The following RD3 variants were observed in gnomAD, a reference collection of about 807,000 sequenced individuals.
RD3 encodes RD3 regulator of GUCY2D.
In RD3, 11 loss-of-function variants were observed where a neutral mutation model predicts 16.9. The ratio of observed to expected loss-of-function variants is 0.65; its 90% confidence interval spans 0.41 to 1.08. RD3 has a LOEUF of 1.08. RD3 is among the 50% of genes least tolerant of loss of function. The pLI, the probability that RD3 is intolerant of heterozygous loss-of-function variation, is 0.00. For missense variants in RD3, 274 were observed against 267.4 expected, an observed-to-expected ratio of 1.02 and a Z score of -0.17; for synonymous variants, 116 against 114.8, an observed-to-expected ratio of 1.01 and a Z score of -0.07.
At position 211,481,250 on chromosome 1, in the gene RD3, T is replaced by C. The variant is rs1281004005; in HGVS notation, c.166A>G (p.Thr56Ala). The change falls in exon 2 of 3, where the codon ACC (threonine) becomes GCC (alanine). Residue 56 changes from threonine to alanine, a missense_variant. Transcript: ENST00000680073. ...ERSNAVRKVCTGVDYSWLAST... is the reference protein window; with the variant it reads ...ERSNAVRKVCAGVDYSWLAST... ...GCCAGCCAGCTGTAGTCCACACCGGTGCAGACCTTTCTGACCGCATTGCTG... is the reference window on the plus strand; with the variant it reads ...GCCAGCCAGCTGTAGTCCACACCGGCGCAGACCTTTCTGACCGCATTGCTG... 3 of 1,614,230 alleles carry C rather than the reference T, an allele frequency of 1.9e-6. No homozygotes were observed. Among genetic ancestry groups the C allele is most frequent in the Non-Finnish European group, 2.5e-6 (3 of 1,180,034 alleles).
intron 2 of RD3, among the ~76,000 whole-genome samples, chr1:211,479,821 C>T (rs1705227143): frequency 6.6e-6 from 1 of 152,266 alleles, no homozygotes; most frequent in African/African-American, 2.4e-5. Flanking sequence ...CTGATACTTC[C>T]CTGGAAGACC....
intron 1 of RD3, among the ~76,000 whole-genome samples, chr1:211,482,556 G>A (rs1705297231): frequency 6.6e-6 from 1 of 151,846 alleles, no homozygotes; most frequent in Non-Finnish European, 1.5e-5. Flanking sequence ...CCCAGGTGGA[G>A]GGAGGATCCA....
At chr1:211,490,375 C>T (rs114197508) in intron 1 of RD3, among the ~76,000 whole-genome samples, 4,908 of 152,368 alleles carry the variant, frequency 0.032, 110 homozygotes, top group Middle Eastern at 0.082. Flanking sequence ...CCAGGGAACC[C>T]GGCCCGGGTC....
At position 211,478,118 on chromosome 1, in the gene RD3, A is replaced by G. The variant is rs1051539166; in HGVS notation, c.*918T>C. 6 of 398,610 alleles carry G rather than the reference A, an allele frequency of 1.5e-5. No homozygotes were observed. Among genetic ancestry groups the G allele is most frequent in the African/African-American group, 1.2e-4 (6 of 48,650 alleles). 24.7% of individuals were successfully genotyped at this position (398,610 alleles called of 1,614,324 possible). On this transcript the variant is annotated 3_prime_UTR_variant, in exon 3 of 3. Transcript: ENST00000680073. ...CAGAAAGCGGAACCCTGGAATTGAG[A>G]AACCTGGGCTCTTTAGGGCAGCATC...
chr1:211,481,507 A>G, intron 1 of RD3, 81 bp from the exon 2 acceptor site: 1 of 1,374,310 alleles, frequency 7.3e-7, no homozygotes, highest in Non-Finnish European at 1.0e-6. Flanking sequence ...CAAGGGGGAG[A>G]GAGGAGAGCT....
At chr1:211,481,489 TG>T in intron 1 of RD3, 63 bp from the exon 2 acceptor site, 1 of 1,522,846 alleles carries the variant, frequency 6.6e-7, no homozygotes, top group South Asian at 1.2e-5. Flanking sequence ...GTGGGGAACC[TG>T]GGAACCCAAG....
intron 1 of RD3, among the ~76,000 whole-genome samples, chr1:211,491,232 G>C (rs1308299485): frequency 6.6e-6 from 1 of 152,232 alleles, no homozygotes; most frequent in Admixed American, 6.5e-5. Flanking sequence ...GGGATGCACA[G>C]ACTGCTCCAT....
At position 211,477,954 on chromosome 1, in the gene RD3, G is replaced by A. The variant is rs906090200; in HGVS notation, c.*1082C>T. The A allele has an allele frequency of 9.6e-5, 38 of 395,822 alleles. No homozygotes were observed. The highest frequency in any genetic ancestry group is 3.7e-4 in the African/African-American group (18 of 48,548). 24.5% of individuals were successfully genotyped at this position (395,822 alleles called of 1,614,324 possible). On this transcript the variant is annotated 3_prime_UTR_variant, in exon 3 of 3. Transcript: ENST00000680073. ...GGTAATCCACATGCCCATCATCAAG[G>A]CCTAACCATGTTAGAAAAGGGAAGG...
rs143085760 is a variant in RD3 at position 211,477,053 on chromosome 1, G to T, written c.*1983C>A. ...TCTGCTTGTTCCAAAACTCTTTTAC[G>T]CCAGTTGTTCTTATTGTTATGATTA... On this transcript the variant is annotated 3_prime_UTR_variant, in exon 3 of 3. Transcript: ENST00000680073. 2 of 151,882 alleles carry T rather than the reference G, an allele frequency of 1.3e-5. No homozygotes were observed. The highest frequency in any genetic ancestry group is 1.3e-4 in the Admixed American group (2 of 15,240). 9.4% of individuals were successfully genotyped at this position (151,882 alleles called of 1,614,324 possible). A position where few individuals can be genotyped will look rare whatever the true frequency, so the allele number is the denominator to read the frequency against.
intron 1 of RD3, among the ~76,000 whole-genome samples, chr1:211,488,767 C>A (rs889107013): frequency 6.6e-6 from 1 of 152,182 alleles, no homozygotes; most frequent in Non-Finnish European, 1.5e-5. Context: ...AGAGTTGCTG[C>A]TGTCCATTGA....
rs1252357995 is a variant in RD3 at position 211,479,420 on chromosome 1, T to C, written c.297-93A>G. On this transcript the variant is annotated intron_variant, in intron 2 of 2. Transcript: ENST00000680073. ...ACCCCGAGGGGCTGCCCGTGCATCC[T>C]CATGGCCAATTAGTCCACTCTACTC... 6.0e-6 allele frequency: 7 copies of C among 1,162,320 alleles called. No individual in the cohort carries two copies. In the Admixed American group the frequency reaches 1.6e-4, roughly 26 times the overall value. 72.0% of individuals were successfully genotyped at this position (1,162,320 alleles called of 1,614,324 possible).
intron 1 of RD3, among the ~76,000 whole-genome samples, chr1:211,490,089 T>A (rs1705455995): frequency 6.6e-6 from 1 of 152,228 alleles, no homozygotes; most frequent in South Asian, 2.1e-4. Context: ...TGTGGCTCGT[T>A]AGCTGTGCTG....
intron 1 of RD3, among the ~76,000 whole-genome samples, chr1:211,487,377 A>G (rs1372651506): frequency 1.3e-5 from 2 of 152,150 alleles, no homozygotes; most frequent in Non-Finnish European, 2.9e-5. Flanking sequence ...GATTCTCCCC[A>G]TGTACGCGTT....
chr1:211,479,403 G>GGGCT, intron 2 of RD3, 76 bp from the exon 3 acceptor site: 1 of 1,408,758 alleles, frequency 7.1e-7, no homozygotes, highest in Non-Finnish European at 9.6e-7. Flanking sequence ...TAACCCCGAG[G>GGGCT]GGCTGCCCGT....
chr1:211,482,943 AAGG>A (rs1401091049), intron 1 of RD3, among the ~76,000 whole-genome samples: 1 of 151,934 alleles, frequency 6.6e-6, no homozygotes, highest in Non-Finnish European at 1.5e-5. Context: ...CATGGTGATG[AAGG>A]AGGTGTCACC....
chr1:211,482,692 T>C (rs1705300038), intron 1 of RD3, among the ~76,000 whole-genome samples: 1 of 151,902 alleles, frequency 6.6e-6, no homozygotes, highest in Admixed American at 6.5e-5. Flanking sequence ...AATGAACGAA[T>C]GAATGAATGG....
chr1:211,487,985 G>A (rs531242927), intron 1 of RD3, among the ~76,000 whole-genome samples: 1 of 152,288 alleles, frequency 6.6e-6, no homozygotes, highest in South Asian at 2.1e-4. Context: ...CCTGGGCCTC[G>A]GCTGTGTAAG....
At chr1:211,483,566 A>G (rs1052807224) in intron 1 of RD3, among the ~76,000 whole-genome samples, 5 of 151,996 alleles carry the variant, frequency 3.3e-5, no homozygotes, top group Non-Finnish European at 7.4e-5. Context: ...AGTGGGACGA[A>G]AGGACGAACC....
At position 211,483,257 on chromosome 1, in the gene RD3, T is replaced by A. The variant is rs1335239137; in HGVS notation, c.-11-1831A>T. Among the ~76,000 whole-genome samples the A allele has an allele frequency of 2.0e-5, 3 of 150,886 alleles. 1 individual carries two copies. The highest frequency in any genetic ancestry group is 4.9e-5 in the African/African-American group (2 of 40,748). On this transcript the variant is annotated intron_variant, in intron 1 of 2. Transcript: ENST00000680073. ...AGGGCAGCTCACTTGAAGCCAGGAG[T>A]TTGAGACCATCCTGGCCAACATGGT...
Sources: gnomAD v4.1 joint callset for allele counts (sites outside exome capture counted in the v4.1 genomes callset) on GRCh38, gnomAD v4.1.1 for gene constraint, MANE v1.5 for transcripts, NCBI Gene and HGNC (gene_info 2026-07-23, HGNC 2026-07-21) for gene names.